THSD7B: variants seen among roughly 807,000 people sequenced by gnomAD.
THSD7B encodes the protein thrombospondin type 1 domain containing 7B.
THSD7B carries 138 observed loss-of-function variants against 213.6 expected under a neutral mutation model. The observed-to-expected ratio is 0.65, with a 90% CI of 0.56 to 0.74. The LOEUF (loss-of-function observed/expected upper bound fraction) is 0.74, where lower values mean the gene tolerates loss of function less well. Among genes scored for constraint, THSD7B ranks in the 30% least tolerant of loss-of-function variants. The pLI is 0.00. For missense variants in THSD7B, 1,931 were observed against 1,991.5 expected (o/e 0.97, Z 0.58); for synonymous variants, 742 against 687.0 (o/e 1.08, Z -1.25).
intron 21 of THSD7B, among the ~76,000 whole-genome samples, chr2:137,647,501 G>T (rs1306165033): frequency 7.8e-6 from 1 of 128,378 alleles, no homozygotes; most frequent in Non-Finnish European, 1.5e-5. Context: ...TTTGTCTCTT[G>T]CTCCCACCTT....
At chr2:136,827,390 T>C (rs1264100662) in intron 1 of THSD7B, among the ~76,000 whole-genome samples, 1 of 152,188 alleles carries the variant, frequency 6.6e-6, no homozygotes, top group Admixed American at 6.5e-5. Context: ...TTGTATGGTC[T>C]TAAGCATCAA....
intron 15 of THSD7B, among the ~76,000 whole-genome samples, chr2:137,497,949 G>C (rs1679609967): frequency 6.6e-6 from 1 of 152,164 alleles, no homozygotes; most frequent in Non-Finnish European, 1.5e-5. Flanking sequence ...TAACCTTCCT[G>C]CCGAGAACTT....
chr2:137,213,842 A>G (rs565749076), intron 7 of THSD7B, among the ~76,000 whole-genome samples: 18 of 152,264 alleles, frequency 1.2e-4, no homozygotes, highest in African/African-American at 4.3e-4. Context: ...TCACAGAGCC[A>G]GATCCTGTAA....
At chr2:136,910,446 A>C (rs538211625) in intron 2 of THSD7B, among the ~76,000 whole-genome samples, 1 of 152,314 alleles carries the variant, frequency 6.6e-6, no homozygotes, top group African/African-American at 2.4e-5. Flanking sequence ...ATTATAAGTA[A>C]GTTGAACCTC....
chr2:137,640,290 T>A (rs1558868505), intron 20 of THSD7B, among the ~76,000 whole-genome samples: 1 of 152,166 alleles, frequency 6.6e-6, no homozygotes, highest in Non-Finnish European at 1.5e-5. Context: ...ACCACCACCA[T>A]GTAAGAAGTG....
rs773379670 is a variant in THSD7B at position 137,667,754 on chromosome 2, G to A, written c.4652-20G>A. Reference sequence around the variant, plus strand: ...GACTTCTGTATGCTAAGCTTCTTATGTTATCTCTATTTTAAACAGATGGCC... The same window carrying A: ...GACTTCTGTATGCTAAGCTTCTTATATTATCTCTATTTTAAACAGATGGCC... On this transcript the variant is annotated intron_variant, in intron 26 of 27. Transcript: ENST00000409968. 3 of 1,584,220 alleles carry A rather than the reference G, an allele frequency of 1.9e-6. No individual in the cohort carries two copies. The highest frequency in any genetic ancestry group is 2.6e-6 in the Non-Finnish European group (3 of 1,162,572).
At chr2:137,213,337 C>G (rs1159890230) in intron 7 of THSD7B, among the ~76,000 whole-genome samples, 2 of 143,388 alleles carry the variant, frequency 1.4e-5, no homozygotes, top group African/African-American at 5.2e-5. Flanking sequence ...ATAATTATAT[C>G]TAATATAATG....
At chr2:136,802,835 C>G (rs898146347) in intron 1 of THSD7B, among the ~76,000 whole-genome samples, 1 of 151,362 alleles carries the variant, frequency 6.6e-6, no homozygotes, top group South Asian at 2.1e-4. Flanking sequence ...TCTTCACTTA[C>G]AGAGACACTT....
At chr2:137,211,346 A>ACACACACACACACACACACAGAGG (rs796485803) in intron 7 of THSD7B, among the ~76,000 whole-genome samples, 3 of 121,532 alleles carry the variant, frequency 2.5e-5, no homozygotes, top group African/African-American at 8.1e-5. Context: ...ACACACACAC[A>ACACACACACACACACACACAGAGG]CACACACACA....
At chr2:137,157,274 G>T (rs1479922595) in intron 5 of THSD7B, among the ~76,000 whole-genome samples, 4 of 152,116 alleles carry the variant, frequency 2.6e-5, no homozygotes, top group Non-Finnish European at 5.9e-5. Flanking sequence ...GTGCCCCACA[G>T]TACAGAAAGC....
intron 16 of THSD7B, among the ~76,000 whole-genome samples, chr2:137,568,597 A>G (rs1457384207): frequency 1.3e-5 from 2 of 152,306 alleles, no homozygotes; most frequent in East Asian, 3.9e-4. Flanking sequence ...ACTTACAATC[A>G]TGGTGGAAGG....
intron 9 of THSD7B, among the ~76,000 whole-genome samples, chr2:137,236,685 G>A (rs1320946449): frequency 6.6e-6 from 1 of 152,122 alleles, no homozygotes; most frequent in Non-Finnish European, 1.5e-5. Flanking sequence ...TAAAAGCTTG[G>A]CAGGTTTCCC....
At chr2:137,142,496 G>A (rs1000131312) in intron 5 of THSD7B, among the ~76,000 whole-genome samples, 6 of 152,250 alleles carry the variant, frequency 3.9e-5, no homozygotes, top group Middle Eastern at 3.4e-3. Flanking sequence ...TCAAACCGTA[G>A]CAAGAAGACT....
At chr2:137,401,193 A>G (rs184310414) in intron 12 of THSD7B, among the ~76,000 whole-genome samples, 1 of 152,322 alleles carries the variant, frequency 6.6e-6, no homozygotes. Context: ...TGTATAATTA[A>G]TATGTTTTTA....
At chr2:137,374,156 G>A (rs901486702) in intron 12 of THSD7B, among the ~76,000 whole-genome samples, 7 of 151,992 alleles carry the variant, frequency 4.6e-5, no homozygotes, top group African/African-American at 1.7e-4. Context: ...CATGAGGGGA[G>A]GGAGGGAGGG....
intron 2 of THSD7B, among the ~76,000 whole-genome samples, chr2:137,054,017 A>G (rs555933590): frequency 1.3e-5 from 2 of 152,214 alleles, no homozygotes; most frequent in African/African-American, 2.4e-5. Flanking sequence ...GAACACTTAA[A>G]CTGAAACTTC....
intron 1 of THSD7B, among the ~76,000 whole-genome samples, chr2:136,776,721 A>G (rs1223865910): frequency 6.6e-6 from 1 of 152,176 alleles, no homozygotes; most frequent in African/African-American, 2.4e-5. Context: ...AAAAACTGAA[A>G]GCCAAGAGAG....
rs920294535 is a variant in THSD7B, at chr2:137,655,766, A to C, written c.4105+106A>C. Reference sequence around the variant, plus strand: ...AGCTCATCAAAATTAAAGTTTTTAAATAACTTTAATTCATTTTTAATTGTG... The same window carrying C: ...AGCTCATCAAAATTAAAGTTTTTAACTAACTTTAATTCATTTTTAATTGTG... On this transcript the variant is annotated intron_variant, in intron 22 of 27. Transcript: ENST00000409968. 9.2e-6 allele frequency: 12 copies of C among 1,297,392 alleles called. No homozygotes were observed. In the African/African-American group the frequency reaches 1.8e-4, roughly 20 times the overall value. The allele number at this position is 1,297,392 out of a possible 1,614,324, so 80.4% of individuals were successfully genotyped here.
intron 9 of THSD7B, among the ~76,000 whole-genome samples, chr2:137,241,944 C>T (rs1681916859): frequency 1.3e-5 from 2 of 151,592 alleles, no homozygotes; most frequent in South Asian, 4.2e-4. Context: ...AAAGAAATAC[C>T]TGTTCATCAT....
Sources: gnomAD v4.1 joint callset for allele counts (sites outside exome capture counted in the v4.1 genomes callset) on GRCh38, gnomAD v4.1.1 for gene constraint, MANE v1.5 for transcripts, NCBI Gene and HGNC (gene_info 2026-07-23, HGNC 2026-07-21) for gene names.